FER: variants seen among roughly 807,000 people sequenced by gnomAD.
The protein encoded by FER is FER tyrosine kinase.
In FER, 63 loss-of-function variants were observed where a neutral mutation model predicts 111.0. The observed-to-expected ratio is 0.57, with a 90% CI of 0.46 to 0.70. The LOEUF is 0.70. Among genes scored for constraint, FER ranks in the 30% least tolerant of loss-of-function variants. The probability of loss-of-function intolerance (pLI) is 0.00; values close to 1 mark genes in which losing one functional copy is unlikely to be tolerated. For missense variants in FER, 914 were observed against 954.0 expected, an observed-to-expected ratio of 0.96 and a Z score of 0.55; for synonymous variants, 327 against 313.9, an observed-to-expected ratio of 1.04 and a Z score of -0.44.
chr5:108,819,876 A>G, intron 3 of FER: 1 of 985,326 alleles, frequency 1.0e-6, no homozygotes, highest in Non-Finnish European at 1.2e-6. Context: ...AGGAGTTTGA[A>G]AAAAGATAGA....
chr5:108,953,985 C>T (rs1042473137), intron 11 of FER, among the ~76,000 whole-genome samples: 1 of 152,114 alleles, frequency 6.6e-6, no homozygotes, highest in African/African-American at 2.4e-5. Context: ...ACAATCATCT[C>T]TTAAATTATC....
At chr5:108,853,999 A>G (rs894905032) in intron 5 of FER, among the ~76,000 whole-genome samples, 2 of 152,196 alleles carry the variant, frequency 1.3e-5, no homozygotes, top group Non-Finnish European at 2.9e-5. Flanking sequence ...TGGTAGCAAA[A>G]GAAGTGCTGA....
chr5:108,845,041 CATATAT>C lies in FER; in HGVS notation c.481+9256_481+9261del, dbSNP rs1232663960. Among the ~76,000 whole-genome samples, 311 of 46,418 alleles carry C rather than the reference CATATAT, an allele frequency of 6.7e-3. 7 individuals are homozygous for C. The highest frequency in any genetic ancestry group is 0.018 in the Middle Eastern group (1 of 56). The allele number at this position is 46,418 out of a possible 152,430, so 30.5% of individuals were successfully genotyped here. ...ATATATATATATATATATATATATA[CATATAT>C]ATATATATATATATATATATACACA... On this transcript the variant is annotated intron_variant, in intron 5 of 19. Coordinates refer to ENST00000281092, the MANE Select transcript of FER (RefSeq NM_005246.4).
chr5:108,797,193 C>G (rs114523957), intron 2 of FER, among the ~76,000 whole-genome samples: 3,659 of 152,118 alleles, frequency 0.024, 56 homozygotes, highest in Non-Finnish European at 0.037. Context: ...TAATAGGCGC[C>G]TAATGACTGC....
At chr5:109,134,017 T>C (rs1752634277) in intron 17 of FER, among the ~76,000 whole-genome samples, 1 of 151,934 alleles carries the variant, frequency 6.6e-6, no homozygotes, top group Non-Finnish European at 1.5e-5. Flanking sequence ...TCTTCCTAAG[T>C]TGTGATGATA....
At chr5:108,792,765 A>T (rs1200534167) in intron 2 of FER, among the ~76,000 whole-genome samples, 1 of 150,010 alleles carries the variant, frequency 6.7e-6, no homozygotes, top group African/African-American at 2.5e-5. Context: ...TCATTTTTGG[A>T]TTGTTCAATG....
At chr5:109,070,472 A>C (rs1775640315) in intron 16 of FER, among the ~76,000 whole-genome samples, 1 of 151,836 alleles carries the variant, frequency 6.6e-6, no homozygotes, top group African/African-American at 2.4e-5. Context: ...TGAAAGAAAA[A>C]ACTGTGAAAT....
intron 3 of FER, among the ~76,000 whole-genome samples, chr5:108,806,669 C>T (rs1241561343): frequency 6.6e-6 from 1 of 152,188 alleles, no homozygotes; most frequent in Non-Finnish European, 1.5e-5. Context: ...GATTTGACTG[C>T]CCCACTGGAT....
At chr5:108,967,759 CAA>C (rs774855414) in intron 13 of FER, among the ~76,000 whole-genome samples, 6 of 34,454 alleles carry the variant, frequency 1.7e-4, no homozygotes, top group East Asian at 9.1e-4. Flanking sequence ...GACTCCGTCT[CAA>C]AAAAAAAAAA....
At position 108,877,914 on chromosome 5, in the gene FER, C is replaced by CT. The variant is rs1233943044; in HGVS notation, c.924-5472dup. Among the ~76,000 whole-genome samples, 12 of 148,280 alleles carry CT rather than the reference C, an allele frequency of 8.1e-5. No individual in the cohort carries two copies. In the East Asian group the frequency reaches 1.2e-3, roughly 15 times the overall value. ...TAGTAAAGGTTTTAAGACTTTGTAT[C>CT]TTTTTTTTTTAGACTGAGTCTTGCT... On this transcript the variant is annotated intron_variant, in intron 8 of 19. Coordinates refer to ENST00000281092, the MANE Select transcript of FER (RefSeq NM_005246.4).
chr5:109,086,399 G>A (rs576912034), intron 16 of FER, among the ~76,000 whole-genome samples: 1 of 151,746 alleles, frequency 6.6e-6, no homozygotes, highest in South Asian at 2.1e-4. Context: ...TTTGTAAATT[G>A]TGTTTTCTCC....
intron 5 of FER, among the ~76,000 whole-genome samples, chr5:108,854,333 C>T (rs1333132746): frequency 6.6e-6 from 1 of 152,198 alleles, no homozygotes; most frequent in Non-Finnish European, 1.5e-5. Flanking sequence ...GACCATTATA[C>T]TTCGGCACTA....
chr5:108,801,991 A>G (rs1241936379), intron 3 of FER, among the ~76,000 whole-genome samples: 1 of 152,230 alleles, frequency 6.6e-6, no homozygotes, highest in African/African-American at 2.4e-5. Context: ...TGGGCAGGAC[A>G]GAGTGGGGAG....
chr5:109,170,534 C>T (rs1017134568), intron 17 of FER, among the ~76,000 whole-genome samples: 1 of 152,116 alleles, frequency 6.6e-6, no homozygotes, highest in Non-Finnish European at 1.5e-5. Flanking sequence ...TTTCTGTATC[C>T]ATATACAAAG....
chr5:108,833,127 A>G (rs183421443), intron 4 of FER, among the ~76,000 whole-genome samples, 184 bp downstream of exon 4: 75 of 152,298 alleles, frequency 4.9e-4, no homozygotes, highest in African/African-American at 1.8e-3. Flanking sequence ...CTGTGACTGT[A>G]TATACTCCTA....
chr5:109,130,710 G>A (rs536942673), intron 17 of FER, among the ~76,000 whole-genome samples: 1 of 151,936 alleles, frequency 6.6e-6, no homozygotes, highest in African/African-American at 2.4e-5. Flanking sequence ...AATCTGGTGT[G>A]TATTTTTTAC....
intron 10 of FER, among the ~76,000 whole-genome samples, chr5:108,899,659 C>T (rs1749716364): frequency 6.6e-6 from 1 of 151,536 alleles, no homozygotes; most frequent in Non-Finnish European, 1.5e-5. Context: ...AAAAAATTAG[C>T]TGGGTGTGGT....
intron 1 of FER, among the ~76,000 whole-genome samples, chr5:108,764,595 C>T (rs1008267148): frequency 2.0e-5 from 3 of 152,030 alleles, no homozygotes; most frequent in African/African-American, 7.3e-5. Context: ...TGGGGTTTCT[C>T]CATGTTGGTC....
At chr5:108,873,617 T>C (rs906976245) in intron 8 of FER, among the ~76,000 whole-genome samples, 1 of 152,158 alleles carries the variant, frequency 6.6e-6, no homozygotes, top group Middle Eastern at 3.2e-3. Context: ...AGCAGCCTTA[T>C]TGGGATTTTT....
Sources: allele counts gnomAD v4.1 joint callset (sites outside exome capture counted in the v4.1 genomes callset), GRCh38; gene constraint gnomAD v4.1.1; transcripts MANE v1.5; gene names NCBI Gene and HGNC (gene_info 2026-07-23, HGNC 2026-07-21).